TACC1: variants seen among roughly 807,000 people sequenced by gnomAD.
TACC1 encodes the protein transforming acidic coiled-coil-containing protein 1.
In TACC1, 48 loss-of-function variants were observed where a neutral mutation model predicts 84.4. The ratio of observed to expected loss-of-function variants is 0.57; its 90% CI spans 0.45 to 0.72. The LOEUF (loss-of-function observed/expected upper bound fraction) is 0.72, where lower values mean the gene tolerates loss of function less well. Ranked by LOEUF, TACC1 falls within the 30% of genes least tolerant of loss-of-function variation. The pLI, the probability that TACC1 is intolerant of heterozygous loss-of-function variation, is 0.00. For missense variants in TACC1, 920 were observed against 973.0 expected, an observed-to-expected ratio of 0.95 and a Z score of 0.72; for synonymous variants, 372 against 376.3, an observed-to-expected ratio of 0.99 and a Z score of 0.13.
chr8:38,811,239 A>T (rs540493310), intron 2 of TACC1, among the ~76,000 whole-genome samples: 1 of 29,150 alleles, frequency 3.4e-5, no homozygotes, highest in African/African-American at 1.4e-4. Context: ...GGCTAAACCC[A>T]TGGCCCCACT....
At chr8:38,808,020 A>G (rs1823167032) in intron 2 of TACC1, among the ~76,000 whole-genome samples, 1 of 152,234 alleles carries the variant, frequency 6.6e-6, no homozygotes, top group Admixed American at 6.5e-5. Context: ...ACAGCAACAA[A>G]TGGGCCAGAA....
chr8:38,794,874 G>T (rs142453032), intron 2 of TACC1, among the ~76,000 whole-genome samples: 2 of 152,266 alleles, frequency 1.3e-5, no homozygotes, highest in East Asian at 3.9e-4. Context: ...TCCTTCAACA[G>T]CATCGCAGCC....
chr8:38,737,564 G>C (rs1203673616), intron 1 of TACC1, among the ~76,000 whole-genome samples: 1 of 152,022 alleles, frequency 6.6e-6, no homozygotes, highest in African/African-American at 2.4e-5. Flanking sequence ...GCACTGGCCA[G>C]TGTGATGGTC....
At chr8:38,796,069 GC>G (rs1239823536) in intron 2 of TACC1, among the ~76,000 whole-genome samples, 1 of 152,188 alleles carries the variant, frequency 6.6e-6, no homozygotes, top group Non-Finnish European at 1.5e-5. Flanking sequence ...TTCCCACCTA[GC>G]AGATCACCAG....
chr8:38,790,975 G>A (rs1002881989), intron 2 of TACC1, among the ~76,000 whole-genome samples: 2 of 152,194 alleles, frequency 1.3e-5, no homozygotes, highest in African/African-American at 4.8e-5. Flanking sequence ...GTAAAGATTG[G>A]CAGATCAGAA....
At position 38,820,406 on chromosome 8, in the gene TACC1, C is replaced by G. The variant is rs1444976997; in HGVS notation, c.1162C>G (p.Gln388Glu). The change falls in exon 3 of 13, where the codon CAG (glutamine) becomes GAG (glutamate). Residue 388 changes from glutamine to glutamate, a missense_variant. Physicochemically the swap from Gln to Glu is conservative, Grantham distance 29. Coordinates refer to ENST00000317827, the MANE Select transcript of TACC1 (RefSeq NM_006283.3). ...AACATCTTCCAAGCCAGATCCTAGT[C>G]AGTGGGAAAGCCCCAGCTTCAACCC... Reference protein sequence around the residue: ...SQTSSKPDPSQWESPSFNPFG... With the variant: ...SQTSSKPDPSEWESPSFNPFG... 15 of 1,614,052 alleles carry G rather than the reference C, an allele frequency of 9.3e-6. No individual in the cohort carries two copies. The highest frequency in any genetic ancestry group is 1.3e-5 in the Non-Finnish European group (15 of 1,180,034).
In TACC1 at chr8:38,807,140, C is replaced by T. The variant is rs527595238; in HGVS notation, c.278-12382C>T. Among the ~76,000 whole-genome samples, 24 of 152,266 alleles carry T rather than the reference C, an allele frequency of 1.6e-4. No individual in the cohort carries two copies. The South Asian group carries it at 2.3e-3, about 14-fold the overall frequency. On this transcript the variant is annotated intron_variant, in intron 2 of 12. Transcript: ENST00000317827. ...ATGCCATTCTCCATGCACATCTAAG[C>T]GTTTGCCAGCCCACAAGCTCTCTGA...
intron 3 of TACC1, among the ~76,000 whole-genome samples, chr8:38,774,589 C>T (rs1227327096): frequency 2.6e-5 from 4 of 152,210 alleles, no homozygotes; most frequent in Non-Finnish European, 5.9e-5. Context: ...AATTCCTGGG[C>T]TCAAATGATC....
chr8:38,830,898 G>A (rs1829081430), intron 5 of TACC1, among the ~76,000 whole-genome samples: 1 of 152,176 alleles, frequency 6.6e-6, no homozygotes, highest in Non-Finnish European at 1.5e-5. Context: ...CAGCCTGAAG[G>A]CTGACGACCT....
In TACC1 at chr8:38,848,135, T is replaced by TA; in HGVS notation, c.*119dup. 4 of 1,040,942 alleles carry TA rather than the reference T, an allele frequency of 3.8e-6. No homozygotes were observed. The highest frequency in any genetic ancestry group is 2.6e-5 in the East Asian group (1 of 38,800). 64.5% of individuals were successfully genotyped at this position (1,040,942 alleles called of 1,614,324 possible). A position where few individuals can be genotyped will look rare whatever the true frequency, so the allele number is the denominator to read the frequency against. On this transcript the variant is annotated 3_prime_UTR_variant, in exon 13 of 13. Transcript: ENST00000317827. ...CCCTTTGCAGAGAAAAAAAAAAACT[T>TA]AAAAAAAGCACATGCCTACTGCTGC...
At chr8:38,778,704 C>T (rs1172371043) in intron 3 of TACC1, among the ~76,000 whole-genome samples, 3 of 152,154 alleles carry the variant, frequency 2.0e-5, no homozygotes, top group African/African-American at 7.2e-5. Context: ...CAAAATCAGG[C>T]CTTGGCAACC....
intron 1 of TACC1, among the ~76,000 whole-genome samples, chr8:38,733,660 C>T (rs9692775): frequency 0.11 from 17,199 of 151,950 alleles, 1,101 homozygotes; most frequent in Non-Finnish European, 0.14. Context: ...CAGTAGGAAG[C>T]GGGTGTGATG....
At chr8:38,735,411 C>T (rs927626112) in intron 1 of TACC1, among the ~76,000 whole-genome samples, 1 of 152,168 alleles carries the variant, frequency 6.6e-6, no homozygotes, top group African/African-American at 2.4e-5. Flanking sequence ...CCGCGCTGTG[C>T]CTGGGAGGCT....
chr8:38,802,854 C>T (rs1821724611), intron 2 of TACC1, among the ~76,000 whole-genome samples: 1 of 152,110 alleles, frequency 6.6e-6, no homozygotes. Flanking sequence ...CACTCATTAC[C>T]TTCAGGACAG....
Position 38,818,246 on chromosome 8 carries a change from T to C in TACC1, c.278-1276T>C, listed in dbSNP as rs190936264. Among the ~76,000 whole-genome samples the C allele has an allele frequency of 2.5e-3, 374 of 152,036 alleles. 1 individual carries two copies. Among genetic ancestry groups the C allele is most frequent in the African/African-American group, 8.4e-3 (347 of 41,480 alleles). ...GACACTGTGTCAAGAAAAACAAAAATAAAAACTATAGCTATGATATTCCAG... is the reference window on the plus strand; with the variant it reads ...GACACTGTGTCAAGAAAAACAAAAACAAAAACTATAGCTATGATATTCCAG... On this transcript the variant is annotated intron_variant, in intron 2 of 12. Transcript: ENST00000317827.
intron 3 of TACC1, among the ~76,000 whole-genome samples, chr8:38,774,994 C>T (rs1412657739): frequency 3.8e-5 from 5 of 130,996 alleles, no homozygotes; most frequent in South Asian, 2.3e-4. Flanking sequence ...CTGGGTGACA[C>T]GGTGAGACTC....
intron 3 of TACC1, chr8:38,745,505 AAT>A (rs1563757599): frequency 1.5e-6 from 1 of 687,486 alleles, no homozygotes; most frequent in Non-Finnish European, 2.6e-6. Flanking sequence ...CAAGGGTTTT[AAT>A]TTTTGTTTTC....
intron 3 of TACC1, among the ~76,000 whole-genome samples, chr8:38,822,429 GAGTC>G (rs1487787615): frequency 6.6e-6 from 1 of 152,078 alleles, no homozygotes; most frequent in African/African-American, 2.4e-5. Context: ...TGCTCTGAGT[GAGTC>G]AGTGAGTGGT....
At chr8:38,735,921 A>G (rs368404137) in intron 1 of TACC1, among the ~76,000 whole-genome samples, 18 of 152,324 alleles carry the variant, frequency 1.2e-4, no homozygotes, top group South Asian at 1.0e-3. Flanking sequence ...TGCTCTAACT[A>G]ATGACCACGA....
Sources: allele counts gnomAD v4.1 joint callset (sites outside exome capture counted in the v4.1 genomes callset), GRCh38; gene constraint gnomAD v4.1.1; transcripts MANE v1.5; gene names NCBI Gene and HGNC (gene_info 2026-07-23, HGNC 2026-07-21).